Variants in UNC13A observed in about 807,000 individuals in gnomAD.
UNC13A encodes protein unc-13 homolog A.
In UNC13A, 61 loss-of-function variants were observed where a neutral mutation model predicts 219.7. The ratio of observed to expected loss-of-function variants is 0.28; its 90% confidence interval spans 0.23 to 0.34. The LOEUF is 0.34. Among genes scored for constraint, UNC13A ranks in the 10% least tolerant of loss-of-function variants. The probability of loss-of-function intolerance (pLI) is 1.00; values close to 1 mark genes in which losing one functional copy is unlikely to be tolerated. For synonymous variants in UNC13A, 920 were observed against 884.6 expected (o/e 1.04, Z -0.71); for missense variants, 1,476 against 2,270.3 (o/e 0.65, Z 7.11).
At chr19:17,643,253 C>A (rs886686507) in intron 19 of UNC13A, among the ~76,000 whole-genome samples, 1 of 151,976 alleles carries the variant, frequency 6.6e-6, no homozygotes, top group African/African-American at 2.4e-5. Flanking sequence ...CTCAGGTGAT[C>A]CACCTACCTC....
At chr19:17,617,605 G>A (rs2076680540) in intron 41 of UNC13A, 97 bp downstream of exon 41, 1 of 1,523,106 alleles carries the variant, frequency 6.6e-7, no homozygotes, top group Non-Finnish European at 9.0e-7. Context: ...CCCCATCCAT[G>A]ACGTCACAGG....
At chr19:17,655,408 C>G in intron 10 of UNC13A, 26 bp from the exon 11 acceptor site, 1 of 1,535,970 alleles carries the variant, frequency 6.5e-7, no homozygotes, top group Non-Finnish European at 8.8e-7. Context: ...CTATGAGGCT[C>G]TGGGCTGGCT....
chr19:17,614,878 G>C lies in UNC13A; in HGVS notation c.4558+2824C>G, dbSNP rs138577453. On this transcript the variant is annotated intron_variant, in intron 41 of 43. Coordinates refer to ENST00000519716, the MANE Select transcript of UNC13A (RefSeq NM_001080421.3). Reference sequence around the variant, plus strand: ...TAGCAAGCTCAATCCGGGCCAGACTGGGGTGCCGGGGGTGCCAGGGGGAAT... The same window carrying C: ...TAGCAAGCTCAATCCGGGCCAGACTCGGGTGCCGGGGGTGCCAGGGGGAAT... Among the ~76,000 whole-genome samples, 33 of 152,268 alleles carry C rather than the reference G, an allele frequency of 2.2e-4. No homozygotes were observed. The East Asian group carries it at 6.0e-3, about 28-fold the overall frequency.
At chr19:17,640,420 G>C (rs995947604) in intron 22 of UNC13A, 91 bp downstream of exon 22, 2 of 1,451,648 alleles carry the variant, frequency 1.4e-6, no homozygotes, top group South Asian at 2.9e-5. Flanking sequence ...CAGCAATCAG[G>C]TCTAGACTGG....
In UNC13A at chr19:17,606,217, G is replaced by T. The variant is rs758307160; in HGVS notation, c.4949C>A (p.Ala1650Asp). Reference protein sequence around the residue: ...LRELAQRGSAACWLPLGRRIH... With the variant: ...LRELAQRGSADCWLPLGRRIH... Reference sequence around the variant, plus strand: ...GCGGCGGCCGAGCGGCAGCCAGCAGGCGGCGCTCCCGCGCTGGGCCAGCTC... The same window carrying T: ...GCGGCGGCCGAGCGGCAGCCAGCAGTCGGCGCTCCCGCGCTGGGCCAGCTC... The change falls in exon 44 of 44, where the codon GCC (alanine) becomes GAC (aspartate). Residue 1650 changes from alanine to aspartate, a missense_variant. Physicochemically the swap from Ala to Asp is moderately radical, Grantham distance 126. Around this residue, in one of 14 missense-constraint regions of UNC13A, gnomAD observed 187 missense variants for 172.3 expected, o/e 1.09. Coordinates refer to ENST00000519716, the MANE Select transcript of UNC13A (RefSeq NM_001080421.3). The T allele has an allele frequency of 1.3e-6, 2 of 1,554,804 alleles. No homozygotes were observed. Among genetic ancestry groups the T allele is most frequent in the East Asian group, 2.5e-5 (1 of 40,728 alleles).
intron 42 of UNC13A, among the ~76,000 whole-genome samples, chr19:17,610,467 A>C (rs138130297): frequency 5.8e-4 from 88 of 152,264 alleles, no homozygotes; most frequent in Non-Finnish European, 1.1e-3. Context: ...TCCTGTCTAA[A>C]AAAAATAAAA....
chr19:17,683,003 T>C (rs916077649), intron 1 of UNC13A, among the ~76,000 whole-genome samples: 7 of 151,980 alleles, frequency 4.6e-5, no homozygotes, highest in African/African-American at 1.5e-4. Flanking sequence ...AGGAGGAGGT[T>C]ACAGTGAACT....
chr19:17,647,637 C>A lies in UNC13A; in HGVS notation c.1817-145G>T, dbSNP rs1017033759. The A allele has an allele frequency of 2.1e-5, 15 of 711,640 alleles. No individual in the cohort carries two copies. In the African/African-American group the frequency reaches 2.5e-4, roughly 12 times the overall value. The allele number at this position is 711,640 out of a possible 1,614,324, so 44.1% of individuals were successfully genotyped here. A position where few individuals can be genotyped will look rare whatever the true frequency, so the allele number is the denominator to read the frequency against. On this transcript the variant is annotated intron_variant, in intron 16 of 43. Coordinates refer to ENST00000519716, the MANE Select transcript of UNC13A (RefSeq NM_001080421.3). ...GGTTTCCTACCTGCTTTCTGTACCCCCCACCCAGACCCTTCACCCTTCCAC... is the reference window on the plus strand; with the variant it reads ...GGTTTCCTACCTGCTTTCTGTACCCACCACCCAGACCCTTCACCCTTCCAC...
chr19:17,647,589 C>T (rs1486267678), intron 16 of UNC13A, 97 bp from the exon 17 acceptor site: 28 of 1,225,030 alleles, frequency 2.3e-5, no homozygotes, highest in Non-Finnish European at 3.2e-5. Context: ...ACCGGGGGGA[C>T]TCAGGTGTCA....
In UNC13A at chr19:17,621,764, G is replaced by A. The variant is rs561676056; in HGVS notation, c.4242+68C>T. The stretch of plus-strand genomic sequence containing the variant: ...GCCCTTCCTGCCCAGGTGCACAGAC[G>A]CACACACATGCACACACATGCCCAG... On this transcript the variant is annotated intron_variant, in intron 37 of 43. Transcript: ENST00000519716. The A allele has an allele frequency of 2.3e-5, 35 of 1,550,614 alleles. No homozygotes were observed. In the East Asian group the frequency reaches 2.5e-4, roughly 11 times the overall value.
chr19:17,636,012 T>TAATTA lies in UNC13A; in HGVS notation c.3215+11_3215+12insTAATT, dbSNP rs2076909676. 6.2e-7 allele frequency: 1 copy of TAATTA among 1,607,624 alleles called. No homozygotes were observed. Among genetic ancestry groups the TAATTA allele is most frequent in the African/African-American group, 1.3e-5 (1 of 74,982 alleles). Reference sequence around the variant, plus strand: ...ACACCCAGATAATTAACTACACAGATACACAACTCACTGGTTGAGGCAGGG... The same window carrying TAATTA: ...ACACCCAGATAATTAACTACACAGATAATTAACACAACTCACTGGTTGAGGCAGGG... On this transcript the variant is annotated intron_variant, in intron 26 of 43. Coordinates refer to ENST00000519716, the MANE Select transcript of UNC13A (RefSeq NM_001080421.3).
chr19:17,656,547 A>C (rs1249809413), intron 9 of UNC13A, 149 bp from the exon 10 acceptor site: 18 of 915,244 alleles, frequency 2.0e-5, no homozygotes, highest in Non-Finnish European at 2.8e-5. Flanking sequence ...CCATGATCAG[A>C]AAAGACAAAA....
In UNC13A at chr19:17,649,044, G is replaced by C. The variant is rs1307373807; in HGVS notation, c.1525-61C>G. ...GACATCCATGAGATCACCACCAGGA[G>C]AGTTCACAGCCACGGATGGGGCCAG... is the stretch of plus-strand genomic sequence containing the variant. On this transcript the variant is annotated intron_variant, in intron 14 of 43. Transcript: ENST00000519716. The surrounding 1 kb of genome is among the most constrained non-coding windows in gnomAD (Gnocchi z 4.4). 1 of 1,512,190 alleles carries C rather than the reference G, an allele frequency of 6.6e-7. No individual in the cohort carries two copies. The highest frequency in any genetic ancestry group is 8.9e-7 in the Non-Finnish European group (1 of 1,120,616). The allele number at this position is 1,512,190 out of a possible 1,614,324, so 93.7% of individuals were successfully genotyped here. A position where few individuals can be genotyped will look rare whatever the true frequency, so the allele number is the denominator to read the frequency against.
intron 29 of UNC13A, 75 bp downstream of exon 29, chr19:17,630,579 T>G (rs1434923646): frequency 6.6e-7 from 1 of 1,514,346 alleles, no homozygotes; most frequent in African/African-American, 1.4e-5. Flanking sequence ...ACTGGCCTCA[T>G]CTCAAGGGCA....
At chr19:17,635,909 C>T in intron 26 of UNC13A, 115 bp downstream of exon 26, 1 of 1,320,396 alleles carries the variant, frequency 7.6e-7, no homozygotes, top group Non-Finnish European at 1.0e-6. Flanking sequence ...CCCACAATTA[C>T]CCCCAGGTGC....
intron 15 of UNC13A, 72 bp downstream of exon 15, chr19:17,648,840 A>G: frequency 6.5e-7 from 1 of 1,535,936 alleles, no homozygotes; most frequent in Non-Finnish European, 8.8e-7. Flanking sequence ...GGACCCACAG[A>G]GGCTTGGACA....
intron 43 of UNC13A, 137 bp from the exon 44 acceptor site, chr19:17,606,491 C>A: frequency 8.0e-7 from 1 of 1,250,090 alleles, no homozygotes; most frequent in South Asian, 1.5e-5. Flanking sequence ...TACGCTAGCC[C>A]CGCCCCTGCC....
rs975973158 is a variant in UNC13A at position 17,656,219 on chromosome 19, C to A, written c.947G>T (p.Arg316Leu). 2 of 1,552,052 alleles carry A rather than the reference C, an allele frequency of 1.3e-6. No homozygotes were observed. The highest frequency in any genetic ancestry group is 1.4e-5 in the African/African-American group (1 of 73,042). The change falls in exon 10 of 44, where the codon CGC (arginine) becomes CTC (leucine). Residue 316 changes from arginine (R) to leucine (L), a missense_variant. This residue lies in a region of UNC13A where 351 missense variants were observed against 342.6 expected (regional missense o/e 1.02). Transcript: ENST00000519716. ...SSVSYHKDSP[R>L]WDQDEEELEE... The stretch of plus-strand genomic sequence containing the variant: ...CAGCTCTTCCTCATCCTGGTCCCAG[C>A]GAGGCGAGTCTTTGTGGTAGCTGAC...
chr19:17,653,819 CTCTTTTT>C (rs1241373437), intron 11 of UNC13A, among the ~76,000 whole-genome samples: 1 of 118,520 alleles, frequency 8.4e-6, no homozygotes, highest in Non-Finnish European at 1.7e-5. Context: ...GATATCACTT[CTCTTTTT>C]TTTTTTTTTT....
Sources: gnomAD v4.1 joint callset for allele counts (sites outside exome capture counted in the v4.1 genomes callset) on GRCh38, gnomAD v4.1.1 for gene constraint, gnomAD v4.1.1 regional missense constraint, Gnocchi (gnomAD v3.1) non-coding constraint, MANE v1.5 for transcripts, NCBI Gene and HGNC (gene_info 2026-07-23, HGNC 2026-07-21) for gene names.